Variants in NDST1 observed in about 807,000 individuals in gnomAD.
NDST1 encodes bifunctional heparan sulfate N-deacetylase/N-sulfotransferase 1.
In NDST1, 35 loss-of-function variants were observed where a neutral mutation model predicts 92.8. The ratio of observed to expected loss-of-function variants is 0.38; its 90% CI spans 0.29 to 0.50. The LOEUF is 0.50. NDST1 is among the 20% of genes least tolerant of loss of function. NDST1 has a pLI of 0.94. For synonymous variants in NDST1, 493 were observed against 500.3 expected (o/e 0.99, Z 0.19); for missense variants, 822 against 1,182.7 (o/e 0.69, Z 4.47).
At chr5:150,533,440 G>A (rs1561600579) in intron 4 of NDST1, among the ~76,000 whole-genome samples, 1 of 152,380 alleles carries the variant, frequency 6.6e-6, no homozygotes, top group African/African-American at 2.4e-5. Flanking sequence ...ACCCACCTTG[G>A]ATGACCAGTG....
chr5:150,527,776 T>C, intron 2 of NDST1, 28 bp from the exon 3 acceptor site: 1 of 1,611,606 alleles, frequency 6.2e-7, no homozygotes, highest in South Asian at 1.1e-5. Context: ...ACAGTTCTGT[T>C]CCCCTTCCTG....
intron 1 of NDST1, among the ~76,000 whole-genome samples, chr5:150,516,417 T>G (rs1037868835): frequency 6.6e-6 from 1 of 152,250 alleles, no homozygotes; most frequent in Non-Finnish European, 1.5e-5. Flanking sequence ...CTGAGCATCT[T>G]ATGTATCAAC....
chr5:150,546,397 C>T (rs1399122420), intron 11 of NDST1, among the ~76,000 whole-genome samples: 3 of 152,312 alleles, frequency 2.0e-5, no homozygotes, highest in Non-Finnish European at 2.9e-5. Flanking sequence ...GTGGGGTAGG[C>T]GGAGTCCCTC....
intron 10 of NDST1, among the ~76,000 whole-genome samples, chr5:150,543,318 A>G (rs148548555): frequency 1.3e-5 from 2 of 152,272 alleles, no homozygotes; most frequent in Non-Finnish European, 2.9e-5. Flanking sequence ...GGCTCTCCTC[A>G]CTGCGTGTGG....
Position 150,521,206 on chromosome 5 carries a change from G to A in NDST1, c.-49G>A, listed in dbSNP as rs758874177. On this transcript the variant is annotated 5_prime_UTR_variant, in exon 2 of 15. Coordinates refer to ENST00000261797, the MANE Select transcript of NDST1 (RefSeq NM_001543.5). The surrounding 1 kb of genome is among the most constrained non-coding windows in gnomAD (Gnocchi z 5.9). Reference sequence around the variant, plus strand: ...GTCTCCTCCTGTGTGGGGCCTTGGGGTAGCCAGGGCAGGCCGGGCCTCCGG... The same window carrying A: ...GTCTCCTCCTGTGTGGGGCCTTGGGATAGCCAGGGCAGGCCGGGCCTCCGG... 1.3e-6 allele frequency: 2 copies of A among 1,538,676 alleles called. No homozygotes were observed. The highest frequency in any genetic ancestry group is 2.0e-5 in the Admixed American group (1 of 49,654).
At chr5:150,547,737 G>A (rs940431792) in intron 11 of NDST1, among the ~76,000 whole-genome samples, 18 of 152,200 alleles carry the variant, frequency 1.2e-4, no homozygotes, top group African/African-American at 3.9e-4. Context: ...TATGACAACA[G>A]TGCAGCAGCG....
At chr5:150,529,170 T>C (rs562723643) in intron 3 of NDST1, among the ~76,000 whole-genome samples, 10 of 152,092 alleles carry the variant, frequency 6.6e-5, no homozygotes, top group South Asian at 6.2e-4. Flanking sequence ...GGGAGGAGGA[T>C]TGCTTGAGCC....
chr5:150,521,807 CT>C lies in NDST1; in HGVS notation c.513+41del, dbSNP rs1245246084. 14 of 1,608,228 alleles carry C rather than the reference CT, an allele frequency of 8.7e-6. No individual in the cohort carries two copies. The highest frequency in any genetic ancestry group is 2.7e-5 in the African/African-American group (2 of 74,890). ...GGGTCCCCGAGCAGTTCAGAGCCCC[CT>C]CTGCAGCTCAGTGCCTGAATTCTCA... On this transcript the variant is annotated intron_variant, in intron 2 of 14. Transcript: ENST00000261797. The surrounding 1 kb of genome is among the most constrained non-coding windows in gnomAD (Gnocchi z 5.9).
chr5:150,539,762 G>A (rs1755160772), intron 7 of NDST1: 1 of 985,318 alleles, frequency 1.0e-6, no homozygotes, highest in South Asian at 4.7e-5. Flanking sequence ...TCAAGTGGTG[G>A]TTGTTATTCA....
Position 150,535,440 on chromosome 5 carries a change from C to T in NDST1, c.1252-260C>T. 4.1e-6 allele frequency: 4 copies of T among 967,422 alleles called. No individual in the cohort carries two copies. The South Asian group carries it at 1.9e-4, about 46-fold the overall frequency. The allele number at this position is 967,422 out of a possible 1,614,324, so 59.9% of individuals were successfully genotyped here. A position where few individuals can be genotyped will look rare whatever the true frequency, so the allele number is the denominator to read the frequency against. On this transcript the variant is annotated intron_variant, in intron 5 of 14. Coordinates refer to ENST00000261797, the MANE Select transcript of NDST1 (RefSeq NM_001543.5). Reference sequence around the variant, plus strand: ...TCCCTCACTACAGGGTACTTGAGTCCTTTGTGCTAGAGGCATGTGCACCGG... The same window carrying T: ...TCCCTCACTACAGGGTACTTGAGTCTTTTGTGCTAGAGGCATGTGCACCGG...
Position 150,553,735 on chromosome 5 carries a change from G to A in NDST1, c.*403G>A. 7.2e-6 allele frequency: 3 copies of A among 414,964 alleles called. No homozygotes were observed. The highest frequency in any genetic ancestry group is 7.2e-5 in the South Asian group (3 of 41,794). The allele number at this position is 414,964 out of a possible 1,614,324, so 25.7% of individuals were successfully genotyped here. A position where few individuals can be genotyped will look rare whatever the true frequency, so the allele number is the denominator to read the frequency against. On this transcript the variant is annotated 3_prime_UTR_variant, in exon 15 of 15. Transcript: ENST00000261797. This position sits in a 1 kb window ranked among gnomAD's most constrained non-coding sequence, Gnocchi z 4.2. ...GCCATATGTCCCTGTCCTCCAGGCTGTAGGGGAGGAGAGCCTGGCCGGGGG... is the reference window on the plus strand; with the variant it reads ...GCCATATGTCCCTGTCCTCCAGGCTATAGGGGAGGAGAGCCTGGCCGGGGG...
chr5:150,520,851 C>T lies in NDST1; in HGVS notation c.-387-17C>T, dbSNP rs1379831067. 1.6e-5 allele frequency: 7 copies of T among 428,784 alleles called. No individual in the cohort carries two copies. The East Asian group carries it at 2.3e-4, about 14-fold the overall frequency. 26.6% of individuals were successfully genotyped at this position (428,784 alleles called of 1,614,324 possible). On this transcript the variant is annotated splice_polypyrimidine_tract_variant and intron_variant, in intron 1 of 14. Transcript: ENST00000261797. ...AAGCCCGCACTCTGACGCTCCTGTT[C>T]TCTCCACTCTCCACAGCCTTAGCCC...
chr5:150,524,257 A>C (rs1335920180), intron 2 of NDST1, among the ~76,000 whole-genome samples: 1 of 152,214 alleles, frequency 6.6e-6, no homozygotes, highest in Non-Finnish European at 1.5e-5. Context: ...CACTGAGCCC[A>C]TTGCCTGGTA....
At chr5:150,520,131 C>T (rs1754176913) in intron 1 of NDST1, among the ~76,000 whole-genome samples, 1 of 152,142 alleles carries the variant, frequency 6.6e-6, no homozygotes, top group African/African-American at 2.4e-5. Context: ...TGACAGCTGC[C>T]ATGTTTCTTG....
In NDST1 at chr5:150,498,344, A is replaced by G. The variant is rs964890317; in HGVS notation, c.-388+105A>G. The G allele has an allele frequency of 9.2e-5, 14 of 152,212 alleles. 1 individual carries two copies. The highest frequency in any genetic ancestry group is 9.2e-4 in the Admixed American group (14 of 15,276). 9.4% of individuals were successfully genotyped at this position (152,212 alleles called of 1,614,324 possible). A position where few individuals can be genotyped will look rare whatever the true frequency, so the allele number is the denominator to read the frequency against. On this transcript the variant is annotated intron_variant, in intron 1 of 1. Transcript: ENST00000518299. ...GTAAGTTAATGTTTGTAAAGGACTT[A>G]CCTCGTGCTTGGTACAAAGTAATCA...
In NDST1 at chr5:150,553,484, C is replaced by T. The variant is rs1755805446; in HGVS notation, c.*152C>T. 1 of 1,121,082 alleles carries T rather than the reference C, an allele frequency of 8.9e-7. No homozygotes were observed. The highest frequency in any genetic ancestry group is 1.3e-6 in the Non-Finnish European group (1 of 756,482). The allele number at this position is 1,121,082 out of a possible 1,614,324, so 69.4% of individuals were successfully genotyped here. A position where few individuals can be genotyped will look rare whatever the true frequency, so the allele number is the denominator to read the frequency against. ...GGTCTGGTGGGGCTGGGGGAGCACC[C>T]AGGCGGATCTGCAAGCACCTCGGAG... is the stretch of plus-strand genomic sequence containing the variant. On this transcript the variant is annotated 3_prime_UTR_variant, in exon 15 of 15. Transcript: ENST00000261797. The surrounding 1 kb of genome is among the most constrained non-coding windows in gnomAD (Gnocchi z 4.2).
rs371747881 is a variant in NDST1, at chr5:150,553,241, G to A, written c.2558G>A (p.Arg853Gln). ...DSRAFLKDYY[R>Q]DHNIELSKLL... Reference sequence around the variant, plus strand: ...CGAGCCTTCCTGAAGGACTATTACCGGGACCACAACATCGAGCTCTCCAAG... The same window carrying A: ...CGAGCCTTCCTGAAGGACTATTACCAGGACCACAACATCGAGCTCTCCAAG... Residue 853 changes from arginine (R) to glutamine (Q), a missense_variant, in exon 15 of 15, where the codon CGG (arginine) becomes CAG (glutamine). Coordinates refer to ENST00000261797, the MANE Select transcript of NDST1 (RefSeq NM_001543.5). The surrounding 1 kb of genome is among the most constrained non-coding windows in gnomAD (Gnocchi z 4.2). 72 of 1,613,494 alleles carry A rather than the reference G, an allele frequency of 4.5e-5. No individual in the cohort carries two copies. The highest frequency in any genetic ancestry group is 5.3e-5 in the Non-Finnish European group (63 of 1,179,684).
chr5:150,513,488 T>C (rs888579623), intron 1 of NDST1, among the ~76,000 whole-genome samples: 1 of 151,950 alleles, frequency 6.6e-6, no homozygotes, highest in African/African-American at 2.4e-5. Context: ...AAGAAAAGAT[T>C]CAAAGATTCA....
intron 2 of NDST1, among the ~76,000 whole-genome samples, chr5:150,525,952 TC>T (rs1754457725): frequency 6.6e-6 from 1 of 152,184 alleles, no homozygotes; most frequent in Non-Finnish European, 1.5e-5. Flanking sequence ...TTTGAGGGCT[TC>T]CTGCTGCTGC....
Sources: gnomAD v4.1 joint callset for allele counts (sites outside exome capture counted in the v4.1 genomes callset) on GRCh38, gnomAD v4.1.1 for gene constraint, Gnocchi (gnomAD v3.1) non-coding constraint, MANE v1.5 for transcripts, NCBI Gene and HGNC (gene_info 2026-07-23, HGNC 2026-07-21) for gene names.